The following GRHL2 variants were observed in gnomAD, a reference collection of about 807,000 sequenced individuals.
GRHL2 encodes the protein grainyhead-like protein 2 homolog.
GRHL2 carries 21 observed loss-of-function variants against 83.8 expected under a neutral mutation model. The observed-to-expected ratio is 0.25, with a 90% CI of 0.18 to 0.36. The LOEUF (loss-of-function observed/expected upper bound fraction) is 0.36, where lower values mean the gene tolerates loss of function less well. Among genes scored for constraint, GRHL2 ranks in the 10% least tolerant of loss-of-function variants. GRHL2 has a pLI of 1.00. For synonymous variants in GRHL2, 280 were observed against 278.9 expected (o/e 1.00, Z -0.04); for missense variants, 623 against 781.8 (o/e 0.80, Z 2.42).
At chr8:101,502,214 G>A (rs1810244083) in intron 1 of GRHL2, among the ~76,000 whole-genome samples, 1 of 152,114 alleles carries the variant, frequency 6.6e-6, no homozygotes, top group Non-Finnish European at 1.5e-5. Flanking sequence ...TCTGTAAAAT[G>A]GAATTGAACT....
At chr8:101,537,720 C>G (rs1285130283) in intron 1 of GRHL2, among the ~76,000 whole-genome samples, 1 of 152,174 alleles carries the variant, frequency 6.6e-6, no homozygotes. Context: ...TCTAAATTCA[C>G]TCATTGATAG....
chr8:101,520,664 C>T (rs899482253), intron 1 of GRHL2, among the ~76,000 whole-genome samples: 12 of 152,092 alleles, frequency 7.9e-5, no homozygotes, highest in African/African-American at 2.4e-4. Flanking sequence ...CACATGAGTA[C>T]CCTGTGCACT....
intron 12 of GRHL2, among the ~76,000 whole-genome samples, chr8:101,638,915 A>C (rs1813343158): frequency 6.6e-6 from 1 of 152,206 alleles, no homozygotes; most frequent in South Asian, 2.1e-4. Context: ...ACCAGTGTGA[A>C]GCCTTGGGCC....
At chr8:101,525,262 T>C (rs1171867896) in intron 1 of GRHL2, among the ~76,000 whole-genome samples, 1 of 152,120 alleles carries the variant, frequency 6.6e-6, no homozygotes, top group African/African-American at 2.4e-5. Context: ...TTTTTCATTA[T>C]TTTTCTCTGG....
chr8:101,607,433 G>A (rs4734552), intron 8 of GRHL2, among the ~76,000 whole-genome samples: 35,702 of 152,134 alleles, frequency 0.23, 4,338 homozygotes, highest in South Asian at 0.34. Context: ...ACCCCTCAGC[G>A]GCCCAGTGCT....
intron 11 of GRHL2, among the ~76,000 whole-genome samples, chr8:101,635,312 G>A (rs1813264307): frequency 6.6e-6 from 1 of 152,166 alleles, no homozygotes; most frequent in Non-Finnish European, 1.5e-5. Flanking sequence ...TTAGTGCAAT[G>A]GGCCCAACAG....
chr8:101,664,796 T>TGG (rs1814008797), intron 15 of GRHL2, among the ~76,000 whole-genome samples: 1 of 152,052 alleles, frequency 6.6e-6, no homozygotes, highest in African/African-American at 2.4e-5. Flanking sequence ...CTGTGGACAC[T>TGG]GGGGAGAATG....
intron 7 of GRHL2, among the ~76,000 whole-genome samples, chr8:101,583,229 C>G (rs1003927121): frequency 1.3e-5 from 2 of 152,164 alleles, no homozygotes; most frequent in East Asian, 3.9e-4. Flanking sequence ...TAATTCTGAG[C>G]CAGCATGTGG....
chr8:101,639,382 CCG>C (rs1813352570), intron 12 of GRHL2, among the ~76,000 whole-genome samples: 1 of 152,198 alleles, frequency 6.6e-6, no homozygotes, highest in African/African-American at 2.4e-5. Context: ...TGGCTAGGCA[CCG>C]TGCTAAGTGC....
At chr8:101,659,651 C>G (rs1026866368) in intron 14 of GRHL2, among the ~76,000 whole-genome samples, 3 of 152,136 alleles carry the variant, frequency 2.0e-5, no homozygotes, top group Non-Finnish European at 4.4e-5. Context: ...TGGCAATTCC[C>G]TTTTAATTTG....
intron 13 of GRHL2, among the ~76,000 whole-genome samples, chr8:101,644,849 A>ATT (rs1160474484): frequency 0.016 from 2,246 of 140,712 alleles, 52 homozygotes; most frequent in African/African-American, 0.05. Context: ...CCAGTACTGG[A>ATT]TTTTTTTTTT....
chr8:101,612,560 TTGA>T (rs1234333713), intron 8 of GRHL2, among the ~76,000 whole-genome samples: 1 of 114,648 alleles, frequency 8.7e-6, no homozygotes, highest in African/African-American at 3.1e-5. Flanking sequence ...TACATAGATA[TTGA>T]TGAAGATATT....
In GRHL2 at chr8:101,573,838, T is replaced by A; in HGVS notation, c.891+14T>A. 2 of 1,614,062 alleles carry A rather than the reference T, an allele frequency of 1.2e-6. No homozygotes were observed. The highest frequency in any genetic ancestry group is 1.7e-6 in the Non-Finnish European group (2 of 1,179,950). Reference sequence around the variant, plus strand: ...AGCAAAGTCAGGGTAGGGGCCACATTTCTCAGATAAAGTACAAAGGAATCC... The same window carrying A: ...AGCAAAGTCAGGGTAGGGGCCACATATCTCAGATAAAGTACAAAGGAATCC... On this transcript the variant is annotated intron_variant, in intron 6 of 15. Coordinates refer to ENST00000646743, the MANE Select transcript of GRHL2 (RefSeq NM_024915.4).
intron 4 of GRHL2, among the ~76,000 whole-genome samples, chr8:101,559,786 G>T (rs1376822319): frequency 2.0e-5 from 3 of 152,132 alleles, no homozygotes; most frequent in African/African-American, 7.2e-5. Flanking sequence ...CAGAATCTAG[G>T]TATAGAAAGT....
rs1814155749 is a variant in GRHL2, at chr8:101,669,266, T to TAAAAAAAAAAAAAAAAAAA, written c.*2565_*2566insAAAAAAAAAAAAAAAAAAA. On this transcript the variant is annotated 3_prime_UTR_variant, in exon 16 of 16. Transcript: ENST00000646743. The stretch of plus-strand genomic sequence containing the variant: ...TGAGCATTTTTTTCTTTTTTTTTTT[T>TAAAAAAAAAAAAAAAAAAA]AACAAAGTCTGAACTGAACAGAACA... 6.6e-6 allele frequency: 1 copy of TAAAAAAAAAAAAAAAAAAA among 150,774 alleles called. No individual in the cohort carries two copies. The highest frequency in any genetic ancestry group is 2.4e-5 in the African/African-American group (1 of 41,148). The allele number at this position is 150,774 out of a possible 1,614,324, so 9.3% of individuals were successfully genotyped here.
intron 6 of GRHL2, among the ~76,000 whole-genome samples, chr8:101,575,929 G>T (rs1440058460): frequency 6.6e-6 from 1 of 152,116 alleles, no homozygotes; most frequent in Admixed American, 6.6e-5. Context: ...AATTCGAAAC[G>T]ATATGGATAC....
At chr8:101,543,160 A>T in intron 1 of GRHL2, 81 bp from the exon 2 acceptor site, 1 of 998,610 alleles carries the variant, frequency 1.0e-6, no homozygotes, top group Non-Finnish European at 1.6e-6. Flanking sequence ...TAATGTTTGT[A>T]GTCATGTAAT....
intron 4 of GRHL2, among the ~76,000 whole-genome samples, chr8:101,562,768 T>A (rs919833594): frequency 6.6e-6 from 1 of 152,260 alleles, no homozygotes; most frequent in African/African-American, 2.4e-5. Context: ...GATCAGCTTC[T>A]TCACTGTTTA....
chr8:101,654,056 T>C (rs1157907665), intron 14 of GRHL2, among the ~76,000 whole-genome samples: 1 of 152,222 alleles, frequency 6.6e-6, no homozygotes, highest in East Asian at 1.9e-4. Flanking sequence ...TATTATTTCA[T>C]AACCGCATCG....
Sources: gnomAD v4.1 joint callset for allele counts (sites outside exome capture counted in the v4.1 genomes callset) on GRCh38, gnomAD v4.1.1 for gene constraint, MANE v1.5 for transcripts, NCBI Gene and HGNC (gene_info 2026-07-23, HGNC 2026-07-21) for gene names.